The following PIDD1 variants were observed in gnomAD, a reference collection of about 807,000 sequenced individuals.
The protein encoded by PIDD1 is p53-induced death domain protein 1, also known as p53-induced death domain-containing protein 1.
PIDD1 carries 72 observed loss-of-function variants against 80.0 expected under a neutral mutation model. That is an observed-to-expected ratio of 0.90 (90% CI 0.74 to 1.09). The LOEUF (loss-of-function observed/expected upper bound fraction) is 1.09, where lower values mean the gene tolerates loss of function less well. PIDD1 is among the 50% of genes least tolerant of loss of function. The probability of loss-of-function intolerance (pLI) is 0.00; values close to 1 mark genes in which losing one functional copy is unlikely to be tolerated. For synonymous variants in PIDD1, 655 were observed against 543.5 expected, an observed-to-expected ratio of 1.21 and a Z score of -2.85; for missense variants, 1,329 against 1,228.3, an observed-to-expected ratio of 1.08 and a Z score of -1.23.
At position 800,252 on chromosome 11, in the gene PIDD1, G is replaced by A. The variant is rs1409645028; in HGVS notation, c.2161-8C>T. On this transcript the variant is annotated splice_region_variant and splice_polypyrimidine_tract_variant and intron_variant, in intron 13 of 15. Transcript: ENST00000347755. ...GCCACGGTAGAAGGACACCTGAAGGGGCATCGAATGGGGTTCGGAGTTCGG... is the reference window on the plus strand; with the variant it reads ...GCCACGGTAGAAGGACACCTGAAGGAGCATCGAATGGGGTTCGGAGTTCGG... 1 of 1,610,964 alleles carries A rather than the reference G, an allele frequency of 6.2e-7. No individual in the cohort carries two copies. Among genetic ancestry groups the A allele is most frequent in the Non-Finnish European group, 8.5e-7 (1 of 1,179,204 alleles).
rs758514301 is a variant in PIDD1, at chr11:801,267, G to A, written c.1581C>T (p.Ser527=). The A allele has an allele frequency of 1.3e-6, 2 of 1,578,476 alleles. No individual in the cohort carries two copies. The highest frequency in any genetic ancestry group is 1.7e-6 in the Non-Finnish European group (2 of 1,161,204). ...GCTGCACGGTGACCGGTTGGAGGAA[G>A]CTGGGGGGACCGCTCTGTGACAGGC... ...LLCLSQSGPP[S]FLQPVTVQLP... Residue 527 remains serine, a synonymous_variant, in exon 9 of 16, where the codon AGC becomes AGT. Coordinates refer to ENST00000347755, the MANE Select transcript of PIDD1 (RefSeq NM_145886.4).
At chr11:804,655 G>A in intron 1 of PIDD1, 192 bp from the exon 2 acceptor site, 1 of 484,444 alleles carries the variant, frequency 2.1e-6, no homozygotes, top group South Asian at 3.8e-5. Context: ...TGGGGAATGG[G>A]ACCGCCATGG....
At chr11:801,908 G>A in intron 7 of PIDD1, 57 bp downstream of exon 7, 7 of 1,580,618 alleles carry the variant, frequency 4.4e-6, no homozygotes, top group Non-Finnish European at 6.0e-6. Context: ...GGGCAGAGGT[G>A]CACGGCTCAG....
At position 802,769 on chromosome 11, in the gene PIDD1, G is replaced by A. The variant is rs770442499; in HGVS notation, c.832C>T (p.Leu278=). The part of the protein sequence containing the change: ...LDLRDNQLRD[L]PPELLDAPFV... ...GGGGCGTCTAGCAGCTCAGGGGGCA[G>A]GTCCCGGAGCTGGTTGTCCCTCAGG... The change falls in exon 4 of 16, where the codon CTG becomes TTG. Residue 278 remains leucine, a synonymous_variant. Transcript: ENST00000347755. 6.2e-7 allele frequency: 1 copy of A among 1,609,594 alleles called. No individual in the cohort carries two copies. The highest frequency in any genetic ancestry group is 1.1e-5 in the South Asian group (1 of 90,360).
At position 804,175 on chromosome 11, in the gene PIDD1, G is replaced by A; in HGVS notation, c.214C>T (p.His72Tyr). 3 of 1,613,340 alleles carry A rather than the reference G, an allele frequency of 1.9e-6. 1 individual carries two copies. Among genetic ancestry groups the A allele is most frequent in the Non-Finnish European group, 2.5e-6 (3 of 1,179,894 alleles). ...LQVEFLRLST[H>Y]EDPQLLEATL... ...GCCTCCAGCAGCTGAGGGTCCTCGT[G>A]AGTGCTCAGACGCAAGAATTCCACC... The change falls in exon 2 of 16, where the codon CAC becomes TAC. Residue 72 changes from histidine (H) to tyrosine (Y), a missense_variant. Transcript: ENST00000347755.
At position 799,290 on chromosome 11, in the gene PIDD1, C is replaced by G. The variant is rs774076772; in HGVS notation, c.*17G>C. ...TCCACTGGGGAATATCTGGGCCAGC[C>G]TAAAAGTCTGTGGGGCCTAGGCCTG... On this transcript the variant is annotated 3_prime_UTR_variant, in exon 16 of 16. Transcript: ENST00000347755. 5 of 1,569,068 alleles carry G rather than the reference C, an allele frequency of 3.2e-6. No individual in the cohort carries two copies. The South Asian group carries it at 5.7e-5, about 18-fold the overall frequency.
chr11:808,060 G>A (rs1281464561), upstream of PIDD1, among the ~76,000 whole-genome samples: 1 of 152,096 alleles, frequency 6.6e-6, no homozygotes, highest in African/African-American at 2.4e-5. Context: ...AAAGTAGAAT[G>A]TGTTTATCAA....
At position 802,835 on chromosome 11, in the gene PIDD1, G is replaced by A. The variant is rs1342638980; in HGVS notation, c.766C>T (p.Pro256Ser). ...AGTGGAAGGCGGGCCAAGTCAGCTG[G>A]CACAGAGGCCAGGAGGTTGCTGTGC... is the stretch of plus-strand genomic sequence containing the variant. ...VLHSNLLASVPADLARLPLLT... is the reference protein window; with the variant it reads ...VLHSNLLASVSADLARLPLLT... Residue 256 changes from proline to serine, a missense_variant, in exon 4 of 16, where the codon CCA becomes TCA. Pro to Ser is a moderately conservative substitution (Grantham distance 74, BLOSUM62 -1). Transcript: ENST00000347755. 1.9e-6 allele frequency: 3 copies of A among 1,595,752 alleles called. No homozygotes were observed. Among genetic ancestry groups the A allele is most frequent in the Non-Finnish European group, 2.6e-6 (3 of 1,172,070 alleles).
In PIDD1 at chr11:800,234, TAGA is replaced by T. The variant is rs753696640; in HGVS notation, c.2168_2170del (p.Phe723del). 6 of 1,610,110 alleles carry T rather than the reference TAGA, an allele frequency of 3.7e-6. No individual in the cohort carries two copies. The highest frequency in any genetic ancestry group is 2.7e-5 in the African/African-American group (2 of 74,870). ...CACCCGCACAGGCACCGCGCCACGG[TAGA>T]AGGACACCTGAAGGGGCATCGAATG... On this transcript the variant is annotated inframe_deletion, in exon 14 of 16. Coordinates refer to ENST00000347755, the MANE Select transcript of PIDD1 (RefSeq NM_145886.4).
intron 2 of PIDD1, 44 bp downstream of exon 2, chr11:804,050 C>G (rs372626637): frequency 3.9e-6 from 6 of 1,553,274 alleles, no homozygotes; most frequent in Middle Eastern, 3.6e-4. Context: ...AGAGGCAGGG[C>G]AGAGCGAGAG....
intron 10 of PIDD1, 36 bp downstream of exon 10, chr11:800,949 G>C (rs750314801): frequency 6.3e-7 from 1 of 1,595,650 alleles, no homozygotes; most frequent in Non-Finnish European, 8.5e-7. Context: ...TGTACAGACT[G>C]GGGGAGGGGG....
intron 2 of PIDD1, 56 bp from the exon 3 acceptor site, chr11:803,643 C>G: frequency 1.3e-6 from 2 of 1,546,940 alleles, no homozygotes; most frequent in Non-Finnish European, 1.7e-6. Context: ...GGTCCCAGAT[C>G]GACCCTGCCA....
At chr11:807,016 A>G (rs1865806728), upstream of PIDD1, among the ~76,000 whole-genome samples, 1 of 152,104 alleles carries the variant, frequency 6.6e-6, no homozygotes, top group Non-Finnish European at 1.5e-5. Flanking sequence ...ATATGGTGAA[A>G]CCGTGTGTCT....
Position 800,847 on chromosome 11 carries a change from A to AGCCGCT in PIDD1, c.1826_1831dup (p.Arg610_Leu611insGlnArg). On this transcript the variant is annotated inframe_insertion, in exon 11 of 16. Coordinates refer to ENST00000347755, the MANE Select transcript of PIDD1 (RefSeq NM_145886.4). ...GATGAGGTTCACACGGTGCAGCCGC[A>AGCCGCT]GCCGCTCCCAGGCCTTCCGAGCCAG... 1 of 1,572,156 alleles carries AGCCGCT rather than the reference A, an allele frequency of 6.4e-7. No individual in the cohort carries two copies. The highest frequency in any genetic ancestry group is 8.6e-7 in the Non-Finnish European group (1 of 1,159,368).
rs1327544767 is a variant in PIDD1 at position 801,609 on chromosome 11, A to C, written c.1318T>G (p.Cys440Gly). 1 of 1,553,400 alleles carries C rather than the reference A, an allele frequency of 6.4e-7. No individual in the cohort carries two copies. Among genetic ancestry groups the C allele is most frequent in the East Asian group, 2.4e-5 (1 of 41,754 alleles). ...AACCAGGAGAAGTGGGGCACCTGGC[A>C]GTGAGCCCAGAGCCGCTGGGATGGG... ...EEAPQRLWAH[C>G]QVPHFSWFLV... is the part of the protein sequence containing the mutation. Residue 440 changes from cysteine (C) to glycine (G), a missense_variant, in exon 8 of 16, where the codon TGC becomes GGC. By Grantham distance (159) the Cys-to-Gly change is radical. Transcript: ENST00000347755.
chr11:801,607 G>A lies in PIDD1; in HGVS notation c.1320C>T (p.Cys440=), dbSNP rs1349142632. Residue 440 remains cysteine (C), a synonymous_variant, in exon 8 of 16, where the codon TGC becomes TGT. Transcript: ENST00000347755. Reference sequence around the variant, plus strand: ...GGAACCAGGAGAAGTGGGGCACCTGGCAGTGAGCCCAGAGCCGCTGGGATG... The same window carrying A: ...GGAACCAGGAGAAGTGGGGCACCTGACAGTGAGCCCAGAGCCGCTGGGATG... ...EEAPQRLWAH[C]QVPHFSWFLV... 10 of 1,557,658 alleles carry A rather than the reference G, an allele frequency of 6.4e-6. No individual in the cohort carries two copies. The highest frequency in any genetic ancestry group is 8.7e-6 in the Non-Finnish European group (10 of 1,152,160).
chr11:806,583 T>C (rs1350616583), upstream of PIDD1, among the ~76,000 whole-genome samples: 1 of 128,958 alleles, frequency 7.8e-6, no homozygotes, highest in East Asian at 3.6e-4. Context: ...TGGAGGGATC[T>C]TTTTTTTTTT....
At position 804,302 on chromosome 11, in the gene PIDD1, C is replaced by T. The variant is rs1265092583; in HGVS notation, c.87G>A (p.Ala29=). 1 of 1,612,740 alleles carries T rather than the reference C, an allele frequency of 6.2e-7. No homozygotes were observed. Among genetic ancestry groups the T allele is most frequent in the Non-Finnish European group, 8.5e-7 (1 of 1,179,874 alleles). The stretch of plus-strand genomic sequence containing the variant: ...GCCGGTTGCCGCCCAGGAAAGGCAG[C>T]GCCCTGGACCCTGCGTCCGAATCCT... The part of the protein sequence containing the change: ...ASEDSDAGSR[A]LPFLGGNRLS... Residue 29 remains alanine, a synonymous_variant, in exon 2 of 16, where the codon GCG becomes GCA. Coordinates refer to ENST00000347755, the MANE Select transcript of PIDD1 (RefSeq NM_145886.4).
chr11:805,590 T>C, upstream of PIDD1: 4 of 982,000 alleles, frequency 4.1e-6, no homozygotes, highest in Non-Finnish European at 3.6e-6. Context: ...GTGACGGGGG[T>C]ACTCTTGCCG....
Sources: allele counts gnomAD v4.1 joint callset (sites outside exome capture counted in the v4.1 genomes callset), GRCh38; gene constraint gnomAD v4.1.1; transcripts MANE v1.5; gene names NCBI Gene and HGNC (gene_info 2026-07-23, HGNC 2026-07-21).